PPM1L: variants seen among roughly 807,000 people sequenced by gnomAD.
The protein encoded by PPM1L is protein phosphatase, Mg2+/Mn2+ dependent 1L.
Under a neutral mutation model 31.4 loss-of-function variants are expected in PPM1L, and 13 were observed. The observed-to-expected ratio is 0.41, with a 90% CI of 0.27 to 0.66. The LOEUF (loss-of-function observed/expected upper bound fraction) is 0.66, where lower values mean the gene tolerates loss of function less well. Ranked by LOEUF, PPM1L falls within the 30% of genes least tolerant of loss-of-function variation. The pLI, the probability that PPM1L is intolerant of heterozygous loss-of-function variation, is 0.29. For synonymous variants in PPM1L, 184 were observed against 175.4 expected (o/e 1.05, Z -0.39); for missense variants, 326 against 453.7 (o/e 0.72, Z 2.56).
chr3:161,054,422 G>A (rs1473738538), intron 2 of PPM1L, among the ~76,000 whole-genome samples: 1 of 152,024 alleles, frequency 6.6e-6, no homozygotes, highest in Admixed American at 6.6e-5. Flanking sequence ...CCTCTAAGCA[G>A]GGTTGCCCAT....
At chr3:160,818,670 T>C (rs184943332) in intron 1 of PPM1L, among the ~76,000 whole-genome samples, 123 of 152,154 alleles carry the variant, frequency 8.1e-4, no homozygotes, top group Non-Finnish European at 2.2e-4. Flanking sequence ...GTTAGACTAC[T>C]TTCCTTCTAT....
intron 2 of PPM1L, among the ~76,000 whole-genome samples, chr3:160,973,860 T>C (rs1450255311): frequency 6.6e-6 from 1 of 150,734 alleles, no homozygotes; most frequent in Non-Finnish European, 1.5e-5. Context: ...TTCTTTTTTT[T>C]TCTAATTTAT....
intron 2 of PPM1L, among the ~76,000 whole-genome samples, chr3:160,992,785 A>C (rs1013638140): frequency 1.3e-5 from 2 of 152,182 alleles, no homozygotes; most frequent in Non-Finnish European, 1.5e-5. Context: ...TTCTTCTACA[A>C]ACCAAGAACT....
chr3:160,808,038 A>C (rs1311260267), intron 1 of PPM1L, among the ~76,000 whole-genome samples: 1 of 152,178 alleles, frequency 6.6e-6, no homozygotes, highest in Non-Finnish European at 1.5e-5. Flanking sequence ...ATTTATTTTT[A>C]ACTCTTCTAT....
intron 2 of PPM1L, among the ~76,000 whole-genome samples, chr3:160,993,913 C>A (rs1217067261): frequency 6.6e-6 from 1 of 152,004 alleles, no homozygotes; most frequent in South Asian, 2.1e-4. Flanking sequence ...TAACACAAAG[C>A]CTGCTCTCTC....
At chr3:160,857,249 C>T (rs1025584378) in intron 1 of PPM1L, among the ~76,000 whole-genome samples, 1 of 152,124 alleles carries the variant, frequency 6.6e-6, no homozygotes, top group African/African-American at 2.4e-5. Context: ...GCAAATTATA[C>T]CATCATAACT....
chr3:160,947,064 AAG>A (rs1715431597), intron 1 of PPM1L, among the ~76,000 whole-genome samples: 1 of 152,214 alleles, frequency 6.6e-6, no homozygotes, highest in Non-Finnish European at 1.5e-5. Flanking sequence ...ATGAGTAAGA[AAG>A]AGAAAGAGTG....
At chr3:160,924,129 A>C (rs983560296) in intron 1 of PPM1L, among the ~76,000 whole-genome samples, 1 of 152,212 alleles carries the variant, frequency 6.6e-6, no homozygotes, top group African/African-American at 2.4e-5. Context: ...AAATGCTGAA[A>C]GAGGGTGCGA....
chr3:160,991,785 A>G (rs1293004736), intron 2 of PPM1L, among the ~76,000 whole-genome samples: 4 of 152,192 alleles, frequency 2.6e-5, no homozygotes, highest in Non-Finnish European at 4.4e-5. Flanking sequence ...TACTGTCTAC[A>G]AGTGTATGCC....
chr3:160,869,833 C>T (rs78845732), intron 1 of PPM1L, among the ~76,000 whole-genome samples: 4,735 of 152,016 alleles, frequency 0.031, 206 homozygotes, highest in African/African-American at 0.094. Flanking sequence ...ATGTTCTCTC[C>T]AGCTAAGAAA....
intron 2 of PPM1L, among the ~76,000 whole-genome samples, chr3:161,024,031 C>T (rs1718308841): frequency 6.6e-6 from 1 of 152,098 alleles, no homozygotes; most frequent in Non-Finnish European, 1.5e-5. Flanking sequence ...AATCCCAACA[C>T]CTTGGGAGGC....
rs553247572 is a variant in PPM1L, at chr3:160,818,012, G to A, written c.399+61305G>A. ...GACTGTGTTTTGTAGAATAATCACA[G>A]TTAACAGATGGAAGGAAAAGGAGTA... On this transcript the variant is annotated intron_variant, in intron 1 of 3. Transcript: ENST00000498165. Among the ~76,000 whole-genome samples, 3 of 152,058 alleles carry A rather than the reference G, an allele frequency of 2.0e-5. No homozygotes were observed. The South Asian group carries it at 6.2e-4, about 32-fold the overall frequency.
At chr3:160,909,491 A>C (rs985842693) in intron 1 of PPM1L, among the ~76,000 whole-genome samples, 1 of 152,212 alleles carries the variant, frequency 6.6e-6, no homozygotes. Flanking sequence ...GTAGATGTCC[A>C]TTTAGATCCA....
intron 2 of PPM1L, among the ~76,000 whole-genome samples, chr3:161,012,500 C>G (rs1392886632): frequency 1.3e-5 from 2 of 151,688 alleles, no homozygotes; most frequent in East Asian, 3.9e-4. Flanking sequence ...GTGTCTCTGC[C>G]CGGCTTTGGT....
At position 160,782,392 on chromosome 3, in the gene PPM1L, A is replaced by T. The variant is rs564284386; in HGVS notation, c.399+25685A>T. ...AAATGACAGTGTGTTACTCACAATC[A>T]CTTGTGAAAGTTTCAGTGCTTATGA... is the stretch of plus-strand genomic sequence containing the variant. On this transcript the variant is annotated intron_variant, in intron 1 of 3. Coordinates refer to ENST00000498165, the MANE Select transcript of PPM1L (RefSeq NM_139245.4). Among the ~76,000 whole-genome samples the T allele has an allele frequency of 3.9e-5, 6 of 152,306 alleles. No homozygotes were observed. In the East Asian group the frequency reaches 1.2e-3, roughly 29 times the overall value.
At position 161,069,440 on chromosome 3, in the gene PPM1L, T is replaced by C. The variant is rs1576628327; in HGVS notation, c.*283T>C. The stretch of plus-strand genomic sequence containing the variant: ...TGTAGAGTCACATATATGAAGTGAA[T>C]AGCATATGTGTCATTTAGTCTCCCT... On this transcript the variant is annotated 3_prime_UTR_variant, in exon 4 of 4. Transcript: ENST00000498165. The C allele has an allele frequency of 5.3e-6, 2 of 378,914 alleles. No individual in the cohort carries two copies. Among genetic ancestry groups the C allele is most frequent in the South Asian group, 3.0e-5 (1 of 33,138 alleles). The allele number at this position is 378,914 out of a possible 1,614,324, so 23.5% of individuals were successfully genotyped here.
At chr3:160,923,564 T>A (rs543027101) in intron 1 of PPM1L, among the ~76,000 whole-genome samples, 21 of 152,216 alleles carry the variant, frequency 1.4e-4, no homozygotes, top group Non-Finnish European at 2.6e-4. Context: ...AATAGCTTTA[T>A]TCTTCTCTCA....
At chr3:160,961,033 A>G (rs1261110353) in intron 1 of PPM1L, among the ~76,000 whole-genome samples, 2 of 152,174 alleles carry the variant, frequency 1.3e-5, no homozygotes, top group African/African-American at 2.4e-5. Context: ...TGTTGTACAG[A>G]TAGTGTAAAA....
intron 2 of PPM1L, among the ~76,000 whole-genome samples, chr3:161,010,336 C>T (rs1407889072): frequency 1.3e-5 from 2 of 152,114 alleles, no homozygotes; most frequent in Non-Finnish European, 2.9e-5. Flanking sequence ...ATGAACTCAT[C>T]CTTTTTATGG....
Sources: allele counts gnomAD v4.1 joint callset (sites outside exome capture counted in the v4.1 genomes callset), GRCh38; gene constraint gnomAD v4.1.1; transcripts MANE v1.5; gene names NCBI Gene and HGNC (gene_info 2026-07-23, HGNC 2026-07-21).